TSPAN18: variants seen among roughly 807,000 people sequenced by gnomAD.
TSPAN18 encodes the protein tetraspanin-18.
In TSPAN18, 14 loss-of-function variants were observed where a neutral mutation model predicts 27.3. The observed-to-expected ratio is 0.51, with a 90% CI of 0.34 to 0.80. The LOEUF (loss-of-function observed/expected upper bound fraction) is 0.80. Ranked by LOEUF, TSPAN18 falls within the 30% of genes least tolerant of loss-of-function variation. The pLI is 0.01. For synonymous variants in TSPAN18, 143 were observed against 136.5 expected, an observed-to-expected ratio of 1.05 and a Z score of -0.33; for missense variants, 268 against 323.9, an observed-to-expected ratio of 0.83 and a Z score of 1.32.
At chr11:44,923,222 C>A (rs1056372579) in intron 8 of TSPAN18, among the ~76,000 whole-genome samples, 5 of 152,160 alleles carry the variant, frequency 3.3e-5, no homozygotes, top group African/African-American at 1.2e-4. Flanking sequence ...GTGTGGGAAG[C>A]ATTGCGTGTG....
At chr11:44,801,243 G>A (rs902172983) in intron 2 of TSPAN18, among the ~76,000 whole-genome samples, 5 of 152,188 alleles carry the variant, frequency 3.3e-5, no homozygotes, top group African/African-American at 4.8e-5. Context: ...AAAAGTTAGA[G>A]TTCACGTGAT....
rs1335375890 is a variant in TSPAN18, at chr11:44,843,550, G to A, written c.-152-16778G>A. Among the ~76,000 whole-genome samples the A allele has an allele frequency of 3.9e-5, 6 of 152,114 alleles. No homozygotes were observed. In the East Asian group the frequency reaches 5.8e-4, roughly 15 times the overall value. ...AGAAGACAGGGTTTTGAGATCAACC[G>A]GTCTGACCAAAATTTATTAGGCAGG... On this transcript the variant is annotated intron_variant, in intron 2 of 9. Transcript: ENST00000520358.
At chr11:44,787,070 G>A (rs1856076289) in intron 2 of TSPAN18, among the ~76,000 whole-genome samples, 1 of 152,110 alleles carries the variant, frequency 6.6e-6, no homozygotes, top group Non-Finnish European at 1.5e-5. Context: ...TGTGGGCTGG[G>A]GACAAGATTT....
At chr11:44,879,896 T>A (rs995877269) in intron 3 of TSPAN18, among the ~76,000 whole-genome samples, 10 of 152,222 alleles carry the variant, frequency 6.6e-5, no homozygotes, top group African/African-American at 2.2e-4. Flanking sequence ...GGTCAAGGGA[T>A]GAGTGCCAGC....
chr11:44,869,208 C>T (rs1001047013), intron 3 of TSPAN18, among the ~76,000 whole-genome samples: 1 of 152,196 alleles, frequency 6.6e-6, no homozygotes, highest in Non-Finnish European at 1.5e-5. Context: ...TTGAGAGGTG[C>T]TCATTCAGCT....
intron 3 of TSPAN18, among the ~76,000 whole-genome samples, chr11:44,892,888 T>C (rs1042160730): frequency 6.6e-6 from 1 of 152,206 alleles, no homozygotes; most frequent in African/African-American, 2.4e-5. Context: ...GAGGGTCTGA[T>C]GACATAAAGT....
intron 2 of TSPAN18, among the ~76,000 whole-genome samples, chr11:44,804,076 C>T (rs1371298181): frequency 6.6e-6 from 1 of 152,256 alleles, no homozygotes; most frequent in African/African-American, 2.4e-5. Flanking sequence ...TCTCTTTCTG[C>T]TCCTGGATGG....
chr11:44,858,174 T>C (rs557399857), intron 2 of TSPAN18, among the ~76,000 whole-genome samples: 4 of 152,136 alleles, frequency 2.6e-5, no homozygotes, highest in Non-Finnish European at 5.9e-5. Flanking sequence ...TCATTTCTAC[T>C]CAGCTCCCAC....
At chr11:44,868,216 C>T (rs1015431024) in intron 3 of TSPAN18, among the ~76,000 whole-genome samples, 2 of 152,146 alleles carry the variant, frequency 1.3e-5, no homozygotes, top group Non-Finnish European at 2.9e-5. Flanking sequence ...GGCCATCTGC[C>T]GTCACTCTCT....
chr11:44,783,278 C>A (rs1855980758), intron 2 of TSPAN18, among the ~76,000 whole-genome samples: 1 of 152,140 alleles, frequency 6.6e-6, no homozygotes, highest in African/African-American at 2.4e-5. Context: ...GATAAACTGA[C>A]TTCACTGAAA....
At chr11:44,834,529 T>C (rs2135151105) in intron 2 of TSPAN18, among the ~76,000 whole-genome samples, 1 of 152,312 alleles carries the variant, frequency 6.6e-6, no homozygotes, top group South Asian at 2.1e-4. Flanking sequence ...GTTTTCACCA[T>C]TGTCCTTTGC....
intron 3 of TSPAN18, among the ~76,000 whole-genome samples, chr11:44,884,728 T>G (rs1858592302): frequency 6.6e-6 from 1 of 152,200 alleles, no homozygotes; most frequent in African/African-American, 2.4e-5. Flanking sequence ...GGTGCCATCT[T>G]TATTCCTATG....
chr11:44,866,558 C>T (rs1364686568), intron 3 of TSPAN18, among the ~76,000 whole-genome samples: 2 of 152,194 alleles, frequency 1.3e-5, no homozygotes, highest in African/African-American at 2.4e-5. Context: ...CTATGAGCTT[C>T]GGTGTTCAGT....
At position 44,930,777 on chromosome 11, in the gene TSPAN18, GTT is replaced by G. The variant is rs1181059941; in HGVS notation, c.*1601_*1602del. 9 of 461,318 alleles carry G rather than the reference GTT, an allele frequency of 2.0e-5. No individual in the cohort carries two copies. In the Admixed American group the frequency reaches 2.1e-4, roughly 11 times the overall value. 28.6% of individuals were successfully genotyped at this position (461,318 alleles called of 1,614,324 possible). A position where few individuals can be genotyped will look rare whatever the true frequency, so the allele number is the denominator to read the frequency against. On this transcript the variant is annotated 3_prime_UTR_variant, in exon 10 of 10. Coordinates refer to ENST00000520358, the MANE Select transcript of TSPAN18 (RefSeq NM_130783.5). ...GAGTGATGTCTGCCAGGCACCGTAA[GTT>G]TGATTAGTGATGTCTGCCACGGGCA...
chr11:44,905,287 C>T (rs1002817622), intron 3 of TSPAN18, among the ~76,000 whole-genome samples: 16 of 152,166 alleles, frequency 1.1e-4, no homozygotes, highest in African/African-American at 3.9e-4. Context: ...CCCCTACATC[C>T]ATCCACACCC....
intron 3 of TSPAN18, among the ~76,000 whole-genome samples, chr11:44,882,585 G>C (rs1199035753): frequency 5.3e-4 from 49 of 92,552 alleles, no homozygotes; most frequent in South Asian, 1.8e-3. Flanking sequence ...GTCAGAGAGA[G>C]AGACACACAC....
intron 2 of TSPAN18, among the ~76,000 whole-genome samples, chr11:44,789,108 G>A (rs760293803): frequency 5.3e-5 from 8 of 152,218 alleles, no homozygotes; most frequent in African/African-American, 1.9e-4. Context: ...ACACCCTCGT[G>A]TCAGTCTCTG....
chr11:44,874,688 G>T (rs536599950), intron 3 of TSPAN18, among the ~76,000 whole-genome samples: 2 of 152,230 alleles, frequency 1.3e-5, no homozygotes, highest in African/African-American at 4.8e-5. Flanking sequence ...TGGTGCCTGG[G>T]TAGGGGGACA....
At chr11:44,874,462 T>C (rs1220998245) in intron 3 of TSPAN18, among the ~76,000 whole-genome samples, 1 of 152,168 alleles carries the variant, frequency 6.6e-6, no homozygotes, top group Non-Finnish European at 1.5e-5. Flanking sequence ...TGTGAGATAG[T>C]ACTATAGCAA....
Sources: gnomAD v4.1 joint callset for allele counts (sites outside exome capture counted in the v4.1 genomes callset) on GRCh38, gnomAD v4.1.1 for gene constraint, MANE v1.5 for transcripts, NCBI Gene and HGNC (gene_info 2026-07-23, HGNC 2026-07-21) for gene names.